The following ZBBX variants were observed in gnomAD, a reference collection of about 807,000 sequenced individuals.
ZBBX encodes the protein zinc finger B-box domain containing, also known as zinc finger B-box domain-containing protein 1.
Under a neutral mutation model 108.5 loss-of-function variants are expected in ZBBX, and 101 were observed. That is an observed-to-expected ratio of 0.93 (90% confidence interval 0.79 to 1.10). ZBBX has a LOEUF of 1.10. ZBBX is among the 50% of genes least tolerant of loss of function. The probability of loss-of-function intolerance (pLI) is 0.00; values close to 1 mark genes in which losing one functional copy is unlikely to be tolerated. For missense variants in ZBBX, 1,009 were observed against 941.4 expected (o/e 1.07, Z -0.94); for synonymous variants, 356 against 323.4 (o/e 1.10, Z -1.08).
At chr3:167,311,248 T>A (rs74599149) in intron 16 of ZBBX, among the ~76,000 whole-genome samples, 8,702 of 152,146 alleles carry the variant, frequency 0.057, 685 homozygotes, top group African/African-American at 0.18. Flanking sequence ...CAACTGGATA[T>A]CCACATGTGA....
At chr3:167,199,586 C>T in the ZBBX span, among the ~76,000 whole-genome samples, 2 of 152,280 alleles carry the variant, frequency 1.3e-5, no homozygotes, top group South Asian at 4.1e-4. Flanking sequence ...GGTCTTGTTA[C>T]ATACACATGG....
At chr3:167,234,497 T>C in the ZBBX span, among the ~76,000 whole-genome samples, 1 of 151,846 alleles carries the variant, frequency 6.6e-6, no homozygotes, top group South Asian at 2.1e-4. Context: ...AACTAAAAGA[T>C]GCTTTTGTAA....
the ZBBX span, among the ~76,000 whole-genome samples, chr3:167,228,660 A>G: frequency 1.3e-5 from 2 of 151,818 alleles, no homozygotes; most frequent in African/African-American, 4.8e-5. Context: ...GCATTGACAT[A>G]AAGTATTTAT....
chr3:167,218,170 C>T, the ZBBX span, among the ~76,000 whole-genome samples: 1 of 152,042 alleles, frequency 6.6e-6, no homozygotes, highest in East Asian at 1.9e-4. Flanking sequence ...AGCTTAATAC[C>T]TGGGTGATGT....
chr3:167,225,735 T>C, the ZBBX span, among the ~76,000 whole-genome samples: 2 of 151,840 alleles, frequency 1.3e-5, no homozygotes, highest in Non-Finnish European at 2.9e-5. Context: ...CTTAAACTCA[T>C]GCAAATTGAG....
the ZBBX span, among the ~76,000 whole-genome samples, chr3:167,222,371 TAAG>T: frequency 6.6e-6 from 1 of 151,672 alleles, no homozygotes; most frequent in Non-Finnish European, 1.5e-5. Context: ...CAATTGAACT[TAAG>T]GAGATAGAGA....
At chr3:167,247,648 C>A (rs1721816144) in intron 20 of ZBBX, among the ~76,000 whole-genome samples, 1 of 152,126 alleles carries the variant, frequency 6.6e-6, no homozygotes, top group African/African-American at 2.4e-5. Flanking sequence ...TAAACATTCA[C>A]CCCTAGACAC....
At chr3:167,397,386 A>T (rs571117949) in intron 1 of ZBBX, among the ~76,000 whole-genome samples, 2 of 151,960 alleles carry the variant, frequency 1.3e-5, no homozygotes, top group South Asian at 4.2e-4. Context: ...ATAAAATTTT[A>T]TTTCTATCCC....
At chr3:167,370,410 G>A (rs1745983076) in intron 4 of ZBBX, among the ~76,000 whole-genome samples, 1 of 152,132 alleles carries the variant, frequency 6.6e-6, no homozygotes. Flanking sequence ...TCTGAAATGG[G>A]CCACAGGTAC....
chr3:167,299,999 A>T (rs1050493981), intron 17 of ZBBX, among the ~76,000 whole-genome samples: 2 of 152,124 alleles, frequency 1.3e-5, no homozygotes, highest in Admixed American at 1.3e-4. Flanking sequence ...TGATCCAACA[A>T]CTTAATTATT....
intron 10 of ZBBX, among the ~76,000 whole-genome samples, chr3:167,330,394 AC>A (rs1359419517): frequency 4.6e-5 from 7 of 152,140 alleles, no homozygotes; most frequent in Non-Finnish European, 1.0e-4. Flanking sequence ...AAATGACCAA[AC>A]ATTCAAGAGT....
intron 10 of ZBBX, among the ~76,000 whole-genome samples, chr3:167,333,468 A>G (rs1195841549): frequency 6.6e-6 from 1 of 152,100 alleles, no homozygotes; most frequent in Non-Finnish European, 1.5e-5. Flanking sequence ...AAGGTTTTGT[A>G]TTTTTAGCTT....
intron 18 of ZBBX, among the ~76,000 whole-genome samples, chr3:167,294,094 C>A (rs950681118): frequency 2.0e-5 from 3 of 152,164 alleles, no homozygotes; most frequent in African/African-American, 7.2e-5. Flanking sequence ...TTGGAAGAAT[C>A]AATATCATGA....
At chr3:167,240,954 C>T (rs1165775376) in intron 21 of ZBBX, 35 bp from the exon 22 acceptor site, 1 of 1,605,460 alleles carries the variant, frequency 6.2e-7, no homozygotes, top group East Asian at 2.2e-5. Flanking sequence ...ACACAATATA[C>T]AGAACCGGGT....
the ZBBX span, among the ~76,000 whole-genome samples, chr3:167,228,135 A>T: frequency 6.6e-6 from 1 of 151,784 alleles, no homozygotes; most frequent in African/African-American, 2.4e-5. Flanking sequence ...AAGACTTAAA[A>T]ATTCTTTCAT....
chr3:167,212,879 G>A, the ZBBX span, among the ~76,000 whole-genome samples: 14 of 152,074 alleles, frequency 9.2e-5, no homozygotes, highest in African/African-American at 3.4e-4. Context: ...TGACCAATAA[G>A]CCTAAGTGTC....
At chr3:167,189,618 A>G in the ZBBX span, among the ~76,000 whole-genome samples, 1 of 152,210 alleles carries the variant, frequency 6.6e-6, no homozygotes, top group Non-Finnish European at 1.5e-5. Flanking sequence ...ATACAGACGT[A>G]TACATTTTTA....
chr3:167,192,180 T>C, the ZBBX span, among the ~76,000 whole-genome samples: 1 of 152,016 alleles, frequency 6.6e-6, no homozygotes, highest in African/African-American at 2.4e-5. Context: ...AGTTTGTCTG[T>C]GTAACTTAAT....
chr3:167,187,970 C>G, the ZBBX span, among the ~76,000 whole-genome samples: 2 of 152,028 alleles, frequency 1.3e-5, no homozygotes, highest in African/African-American at 4.8e-5. Context: ...ACTAGCAAAC[C>G]CTGGAATCCT....
Sources: gnomAD v4.1 joint callset for allele counts (sites outside exome capture counted in the v4.1 genomes callset) on GRCh38, gnomAD v4.1.1 for gene constraint, MANE v1.5 for transcripts, NCBI Gene and HGNC (gene_info 2026-07-23, HGNC 2026-07-21) for gene names.